The following NLGN1 variants were observed in gnomAD, a reference collection of about 807,000 sequenced individuals.
The protein encoded by NLGN1 is neuroligin 1.
Under a neutral mutation model 65.5 loss-of-function variants are expected in NLGN1, and 12 were observed. The ratio of observed to expected loss-of-function variants is 0.18; its 90% CI spans 0.12 to 0.30. The LOEUF is 0.30. Ranked by LOEUF, NLGN1 falls within the 10% of genes least tolerant of loss-of-function variation. The pLI, the probability that NLGN1 is intolerant of heterozygous loss-of-function variation, is 1.00. For missense variants in NLGN1, 750 were observed against 1,007.1 expected (o/e 0.74, Z 3.46); for synonymous variants, 350 against 359.5 (o/e 0.97, Z 0.30).
intron 3 of NLGN1, among the ~76,000 whole-genome samples, chr3:173,694,412 C>A (rs1765902466): frequency 6.6e-6 from 1 of 152,096 alleles, no homozygotes; most frequent in South Asian, 2.1e-4. Flanking sequence ...TTTAATGTTT[C>A]ATTATGTTTG....
At chr3:173,750,985 C>T (rs913532970) in intron 3 of NLGN1, among the ~76,000 whole-genome samples, 2 of 152,048 alleles carry the variant, frequency 1.3e-5, no homozygotes, top group Admixed American at 6.6e-5. Context: ...TAAAAACTCA[C>T]ATTAAACTAT....
chr3:173,820,488 AG>A (rs1720067165), intron 4 of NLGN1, among the ~76,000 whole-genome samples: 1 of 152,172 alleles, frequency 6.6e-6, no homozygotes, highest in Non-Finnish European at 1.5e-5. Flanking sequence ...CTTATCCACA[AG>A]GGATATGTTT....
chr3:173,894,697 G>A (rs927520835), intron 4 of NLGN1, among the ~76,000 whole-genome samples: 1 of 149,452 alleles, frequency 6.7e-6, no homozygotes, highest in East Asian at 2.0e-4. Context: ...AATGGCAATG[G>A]CACATTATTG....
intron 4 of NLGN1, among the ~76,000 whole-genome samples, chr3:174,006,097 G>A (rs1304052470): frequency 6.6e-6 from 1 of 151,956 alleles, no homozygotes; most frequent in Non-Finnish European, 1.5e-5. Flanking sequence ...TAACATAATG[G>A]TCTTTCTCAG....
At chr3:174,042,648 G>C (rs1319614234) in intron 4 of NLGN1, among the ~76,000 whole-genome samples, 1 of 152,114 alleles carries the variant, frequency 6.6e-6, no homozygotes, top group Non-Finnish European at 1.5e-5. Flanking sequence ...ACACTTACTA[G>C]TCACTGTGAT....
intron 2 of NLGN1, among the ~76,000 whole-genome samples, chr3:173,528,443 C>A (rs991352330): frequency 6.6e-6 from 1 of 152,022 alleles, no homozygotes; most frequent in Admixed American, 6.6e-5. Flanking sequence ...ATAGTAACAT[C>A]CAGTTGTTTT....
At chr3:174,100,412 A>G (rs1712152596) in intron 4 of NLGN1, among the ~76,000 whole-genome samples, 1 of 152,188 alleles carries the variant, frequency 6.6e-6, no homozygotes, top group Non-Finnish European at 1.5e-5. Flanking sequence ...AACATATTCC[A>G]AAAGTACAAG....
intron 3 of NLGN1, among the ~76,000 whole-genome samples, chr3:173,720,297 T>G (rs922196803): frequency 6.6e-6 from 1 of 152,098 alleles, no homozygotes; most frequent in Non-Finnish European, 1.5e-5. Flanking sequence ...GGGTGAGAAT[T>G]GTCTGTGATA....
intron 4 of NLGN1, among the ~76,000 whole-genome samples, chr3:174,151,331 A>G (rs1048958811): frequency 4.6e-5 from 7 of 152,082 alleles, no homozygotes; most frequent in African/African-American, 1.4e-4. Flanking sequence ...ATCAATCTGT[A>G]TTTGTTAATA....
chr3:173,590,971 A>T (rs115964569), intron 2 of NLGN1, among the ~76,000 whole-genome samples: 1 of 152,234 alleles, frequency 6.6e-6, no homozygotes, highest in East Asian at 1.9e-4. Context: ...AGAAAATGTG[A>T]TATCTCAGGG....
chr3:173,485,956 G>A (rs544073463), intron 2 of NLGN1, among the ~76,000 whole-genome samples: 22 of 151,990 alleles, frequency 1.4e-4, no homozygotes, highest in African/African-American at 5.3e-4. Flanking sequence ...TTTTTTGTTT[G>A]TTTTTTAACC....
chr3:174,054,524 A>G (rs1342925329), intron 4 of NLGN1, among the ~76,000 whole-genome samples: 1 of 151,922 alleles, frequency 6.6e-6, no homozygotes, highest in Non-Finnish European at 1.5e-5. Context: ...GTTTCTTTCC[A>G]TCCCTCCTCC....
At chr3:173,938,037 A>G (rs188046023) in intron 4 of NLGN1, among the ~76,000 whole-genome samples, 1 of 152,324 alleles carries the variant, frequency 6.6e-6, no homozygotes, top group African/African-American at 2.4e-5. Context: ...TTATGTTATC[A>G]AATACTTATG....
intron 2 of NLGN1, among the ~76,000 whole-genome samples, chr3:173,533,978 A>T (rs963663776): frequency 7.2e-5 from 11 of 152,134 alleles, no homozygotes; most frequent in Admixed American, 2.0e-4. Flanking sequence ...TGAGACTCTG[A>T]CTCAAAAAAA....
chr3:173,872,263 T>C (rs1731315764), intron 4 of NLGN1, among the ~76,000 whole-genome samples: 1 of 152,168 alleles, frequency 6.6e-6, no homozygotes, highest in Non-Finnish European at 1.5e-5. Flanking sequence ...TTAGTCTAAA[T>C]TGAGCACGTG....
chr3:173,552,713 A>G (rs1337594949), intron 2 of NLGN1, among the ~76,000 whole-genome samples: 3 of 152,166 alleles, frequency 2.0e-5, no homozygotes, highest in African/African-American at 4.8e-5. Flanking sequence ...TGCAAACGGC[A>G]TGAACTTCCT....
chr3:173,452,612 TTC>T (rs1261937039), intron 2 of NLGN1, among the ~76,000 whole-genome samples: 3 of 152,234 alleles, frequency 2.0e-5, no homozygotes, highest in Non-Finnish European at 4.4e-5. Flanking sequence ...CAGGCCTGTT[TTC>T]CTGGTCTCTA....
chr3:174,049,979 A>C (rs924495848), intron 4 of NLGN1, among the ~76,000 whole-genome samples: 14 of 152,174 alleles, frequency 9.2e-5, no homozygotes, highest in Middle Eastern at 3.4e-3. Flanking sequence ...AAATAATTTC[A>C]AGAGAAAAGG....
At chr3:173,541,483 A>G (rs1179666112) in intron 2 of NLGN1, among the ~76,000 whole-genome samples, 2 of 152,156 alleles carry the variant, frequency 1.3e-5, no homozygotes, top group African/African-American at 4.8e-5. Context: ...ATGGGGATTC[A>G]GTGCATATTG....
Sources: gnomAD v4.1 joint callset for allele counts (sites outside exome capture counted in the v4.1 genomes callset) on GRCh38, gnomAD v4.1.1 for gene constraint, MANE v1.5 for transcripts, NCBI Gene and HGNC (gene_info 2026-07-23, HGNC 2026-07-21) for gene names.